ST3GAL3: variants seen among roughly 807,000 people sequenced by gnomAD.
The protein encoded by ST3GAL3 is CMP-N-acetylneuraminate-beta-1,4-galactoside alpha-2,3-sialyltransferase.
In ST3GAL3, 21 loss-of-function variants were observed where a neutral mutation model predicts 50.1. That is an observed-to-expected ratio of 0.42 (90% CI 0.30 to 0.60). ST3GAL3 has a LOEUF of 0.60. Among genes scored for constraint, ST3GAL3 ranks in the 20% least tolerant of loss-of-function variants. The pLI is 0.19. For missense variants in ST3GAL3, 353 were observed against 489.4 expected, an observed-to-expected ratio of 0.72 and a Z score of 2.63; for synonymous variants, 183 against 190.0, an observed-to-expected ratio of 0.96 and a Z score of 0.30.
intron 5 of ST3GAL3, chr1:43,841,718 G>A (rs866842749): frequency 6.6e-6 from 1 of 152,138 alleles, no homozygotes; most frequent in East Asian, 1.9e-4. Flanking sequence ...TTAGATATTA[G>A]CATTTGGCTC....
chr1:43,906,974 A>T (rs1274635921), intron 9 of ST3GAL3, among the ~76,000 whole-genome samples: 1 of 152,160 alleles, frequency 6.6e-6, no homozygotes, highest in Non-Finnish European at 1.5e-5. Context: ...TAAGAAATAA[A>T]TCTGACCACC....
intron 2 of ST3GAL3, among the ~76,000 whole-genome samples, chr1:43,775,233 A>T (rs550565530): frequency 7.0e-5 from 10 of 142,310 alleles, no homozygotes; most frequent in Non-Finnish European, 1.4e-4. Flanking sequence ...GGAAATCTGA[A>T]TTTTTTTTTT....
Position 43,914,964 on chromosome 1 carries a change from C to G in ST3GAL3, c.745-5440C>G, listed in dbSNP as rs148500658. Among the ~76,000 whole-genome samples the G allele has an allele frequency of 3.0e-3, 459 of 152,382 alleles. 2 individuals carry two copies. The highest frequency in any genetic ancestry group is 0.01 in the African/African-American group (435 of 41,592). ...TTTCCTACTGTCTCCCACCATCCCT[C>G]CCTTTACCTCCCTTACGCACACCCC... On this transcript the variant is annotated intron_variant, in intron 9 of 11. Coordinates refer to ENST00000347631, the MANE Select transcript of ST3GAL3 (RefSeq NM_006279.5).
chr1:43,761,237 C>A (rs187749889), intron 2 of ST3GAL3, among the ~76,000 whole-genome samples: 2 of 152,110 alleles, frequency 1.3e-5, no homozygotes. Context: ...AGTCACAAGC[C>A]ATTGCAGGCT....
In ST3GAL3 at chr1:43,905,137, T is replaced by C. The variant is rs1220716681; in HGVS notation, c.744+5410T>C. 4.2e-4 allele frequency among the ~76,000 whole-genome samples: 46 copies of C among 110,832 alleles called. 1 individual carries two copies. Among genetic ancestry groups the C allele is most frequent in the East Asian group, 1.2e-3 (4 of 3,344 alleles). The allele number at this position is 110,832 out of a possible 152,430, so 72.7% of individuals were successfully genotyped here. ...TTCCTGCCACTCTTCCTCCTCCTCCTCCTGCTCCTCTTCCCACCACTCTTC... is the reference window on the plus strand; with the variant it reads ...TTCCTGCCACTCTTCCTCCTCCTCCCCCTGCTCCTCTTCCCACCACTCTTC... On this transcript the variant is annotated intron_variant, in intron 9 of 11. Transcript: ENST00000347631.
chr1:43,808,697 A>C (rs557794436), intron 3 of ST3GAL3, among the ~76,000 whole-genome samples: 1 of 152,308 alleles, frequency 6.6e-6, no homozygotes, highest in African/African-American at 2.4e-5. Context: ...TTCACAGATC[A>C]TCAGAGAGGA....
At chr1:43,882,942 T>TATTC (rs2075380065) in intron 5 of ST3GAL3, among the ~76,000 whole-genome samples, 2 of 38,120 alleles carry the variant, frequency 5.2e-5, no homozygotes, top group Non-Finnish European at 1.8e-4. Context: ...CCCATTCTTT[T>TATTC]ATTTATTTAT....
intron 9 of ST3GAL3, among the ~76,000 whole-genome samples, chr1:43,917,882 C>G (rs1001266455): frequency 1.3e-5 from 2 of 149,264 alleles, no homozygotes; most frequent in Admixed American, 6.8e-5. Context: ...GTTGGCCAGG[C>G]TGGTCTTGAA....
intron 4 of ST3GAL3, among the ~76,000 whole-genome samples, chr1:43,825,658 T>C (rs1458639788): frequency 6.6e-6 from 1 of 152,220 alleles, no homozygotes; most frequent in Non-Finnish European, 1.5e-5. Context: ...AAATATGGGC[T>C]TCATCTCAAG....
chr1:43,880,663 C>G (rs750582607), intron 5 of ST3GAL3, among the ~76,000 whole-genome samples: 5 of 152,214 alleles, frequency 3.3e-5, no homozygotes, highest in Non-Finnish European at 7.3e-5. Context: ...TGTCTGATCT[C>G]TGTCTTGAAC....
At chr1:43,799,230 T>C (rs902746424) in intron 3 of ST3GAL3, among the ~76,000 whole-genome samples, 4 of 152,350 alleles carry the variant, frequency 2.6e-5, no homozygotes, top group East Asian at 1.9e-4. Flanking sequence ...TCTTTATAAG[T>C]GTTTTGGATT....
Position 43,913,056 on chromosome 1 carries a change from T to G in ST3GAL3, c.745-7348T>G, listed in dbSNP as rs530050627. On this transcript the variant is annotated intron_variant, in intron 9 of 11. Coordinates refer to ENST00000347631, the MANE Select transcript of ST3GAL3 (RefSeq NM_006279.5). ...AGGCAGAGGCCTTGTGGAATAGGAC[T>G]GTGTGCTGGCAGCAGGGCTGGCAGT... The G allele has an allele frequency of 5.9e-5, 9 of 152,428 alleles. No homozygotes were observed. The East Asian group carries it at 1.5e-3, about 26-fold the overall frequency. The allele number at this position is 152,428 out of a possible 1,614,324, so 9.4% of individuals were successfully genotyped here.
chr1:43,723,300 G>T (rs1047763353), intron 1 of ST3GAL3, among the ~76,000 whole-genome samples: 5 of 151,238 alleles, frequency 3.3e-5, no homozygotes, highest in Admixed American at 1.3e-4. Context: ...GTAGAGACGG[G>T]ATTTCACCAT....
intron 1 of ST3GAL3, among the ~76,000 whole-genome samples, chr1:43,712,128 G>T (rs1452204079): frequency 2.0e-5 from 3 of 152,192 alleles, no homozygotes; most frequent in African/African-American, 7.2e-5. Flanking sequence ...CCTCATCAGT[G>T]AAATGCATGG....
chr1:43,876,314 G>A (rs1358921279), intron 5 of ST3GAL3, among the ~76,000 whole-genome samples: 1 of 152,052 alleles, frequency 6.6e-6, no homozygotes, highest in Non-Finnish European at 1.5e-5. Flanking sequence ...TGAACAGGGA[G>A]ATATCTGTCA....
chr1:43,784,335 C>T (rs1053876619), intron 2 of ST3GAL3, among the ~76,000 whole-genome samples: 1 of 152,008 alleles, frequency 6.6e-6, no homozygotes, highest in Non-Finnish European at 1.5e-5. Context: ...ATGGTGAAAC[C>T]CCGTCTGTAC....
intron 2 of ST3GAL3, chr1:43,738,555 G>A (rs1476359931): frequency 6.7e-6 from 1 of 150,338 alleles, no homozygotes; most frequent in Non-Finnish European, 1.5e-5. Flanking sequence ...AGAGTGCAGT[G>A]GTGCAGTCAT....
intron 4 of ST3GAL3, among the ~76,000 whole-genome samples, chr1:43,827,383 G>A (rs537195352): frequency 6.6e-6 from 1 of 152,306 alleles, no homozygotes; most frequent in East Asian, 1.9e-4. Flanking sequence ...TAAAATATGT[G>A]TAAATGTGTT....
chr1:43,715,693 C>G (rs533496739), intron 1 of ST3GAL3, among the ~76,000 whole-genome samples: 1 of 151,926 alleles, frequency 6.6e-6, no homozygotes, highest in East Asian at 1.9e-4. Context: ...GGGAGGCTGA[C>G]AGCAGGATTG....
Sources: gnomAD v4.1 joint callset for allele counts (sites outside exome capture counted in the v4.1 genomes callset) on GRCh38, gnomAD v4.1.1 for gene constraint, MANE v1.5 for transcripts, NCBI Gene and HGNC (gene_info 2026-07-23, HGNC 2026-07-21) for gene names.